MACROD2: variants seen among roughly 807,000 people sequenced by gnomAD.
MACROD2 encodes the protein ADP-ribose glycohydrolase MACROD2.
Under a neutral mutation model 70.4 loss-of-function variants are expected in MACROD2, and 36 were observed. The observed-to-expected ratio is 0.51, with a 90% confidence interval of 0.39 to 0.68. The LOEUF (loss-of-function observed/expected upper bound fraction) is 0.68. MACROD2 is among the 30% of genes least tolerant of loss of function. The pLI, the probability that MACROD2 is intolerant of heterozygous loss-of-function variation, is 0.00. For missense variants in MACROD2, 496 were observed against 538.4 expected, an observed-to-expected ratio of 0.92 and a Z score of 0.78; for synonymous variants, 172 against 178.8, an observed-to-expected ratio of 0.96 and a Z score of 0.30.
At chr20:14,669,714 G>C (rs2070774109) in intron 4 of MACROD2, among the ~76,000 whole-genome samples, 1 of 152,022 alleles carries the variant, frequency 6.6e-6, no homozygotes, top group East Asian at 1.9e-4. Context: ...GTTTTTGGTA[G>C]AAAAGGAACT....
chr20:14,517,174 A>C (rs986567527), intron 4 of MACROD2, among the ~76,000 whole-genome samples: 3 of 152,154 alleles, frequency 2.0e-5, no homozygotes, highest in African/African-American at 7.2e-5. Context: ...TTGACCCAGC[A>C]ATCCCATTAC....
intron 3 of MACROD2, among the ~76,000 whole-genome samples, chr20:14,341,500 G>A (rs746501750): frequency 4.6e-5 from 7 of 152,116 alleles, no homozygotes; most frequent in African/African-American, 1.2e-4. Context: ...TTAGCCGGGC[G>A]TGGTGGCACG....
intron 4 of MACROD2, among the ~76,000 whole-genome samples, chr20:14,644,625 C>T (rs371472575): frequency 1.3e-5 from 2 of 152,032 alleles, no homozygotes; most frequent in East Asian, 1.9e-4. Flanking sequence ...ACTTGTTTAT[C>T]GAATATGGAA....
chr20:14,153,725 ATTAAG>A (rs772674620), intron 3 of MACROD2, among the ~76,000 whole-genome samples: 8 of 152,226 alleles, frequency 5.3e-5, no homozygotes, highest in Non-Finnish European at 8.8e-5. Flanking sequence ...AAATAATCAT[ATTAAG>A]TTGAGAAAAA....
At chr20:15,112,215 A>T (rs559180532) in intron 5 of MACROD2, among the ~76,000 whole-genome samples, 42 of 152,250 alleles carry the variant, frequency 2.8e-4, no homozygotes, top group African/African-American at 9.9e-4. Flanking sequence ...CTTCTTAATC[A>T]TTGCACGGTT....
intron 5 of MACROD2, among the ~76,000 whole-genome samples, chr20:14,712,417 A>G (rs1185864608): frequency 6.6e-6 from 1 of 152,184 alleles, no homozygotes; most frequent in Non-Finnish European, 1.5e-5. Context: ...AGTGATTAAT[A>G]GATACCGCGG....
At chr20:14,688,322 GT>G (rs1412382373) in intron 5 of MACROD2, among the ~76,000 whole-genome samples, 1 of 152,132 alleles carries the variant, frequency 6.6e-6, no homozygotes, top group Non-Finnish European at 1.5e-5. Context: ...TTTTGAACTG[GT>G]TTTTGCCTCT....
rs368293450 is a variant in MACROD2, at chr20:14,159,541, A to G, written c.271+73813A>G. Among the ~76,000 whole-genome samples, 387 of 152,336 alleles carry G rather than the reference A, an allele frequency of 2.5e-3. 3 individuals carry two copies. The highest frequency in any genetic ancestry group is 8.9e-3 in the African/African-American group (368 of 41,576). ...TTCAGCTAGTTTGATATTTATGTAT[A>G]AAAATGCTACTGATTTTTGCATGTT... On this transcript the variant is annotated intron_variant, in intron 3 of 17. Coordinates refer to ENST00000684519, the MANE Select transcript of MACROD2 (RefSeq NM_001351661.2).
At chr20:15,632,337 A>C (rs757162262) in intron 8 of MACROD2, among the ~76,000 whole-genome samples, 7 of 152,218 alleles carry the variant, frequency 4.6e-5, no homozygotes, top group Non-Finnish European at 8.8e-5. Context: ...GTATAAAGCC[A>C]TATGCTATGC....
chr20:15,890,569 A>C (rs2064875506), intron 10 of MACROD2, among the ~76,000 whole-genome samples: 1 of 152,100 alleles, frequency 6.6e-6, no homozygotes, highest in Admixed American at 6.5e-5. Context: ...GCACCTGGTG[A>C]CAGAAGTTTG....
chr20:15,043,571 G>A (rs2123032978), intron 5 of MACROD2, among the ~76,000 whole-genome samples: 1 of 152,326 alleles, frequency 6.6e-6, no homozygotes, highest in Non-Finnish European at 1.5e-5. Context: ...TGGGCCTTCA[G>A]ATCTTCCTTT....
In MACROD2 at chr20:15,119,481, A is replaced by G. The variant is rs143447351; in HGVS notation, c.419-110459A>G. ...GTCAATAGACATAGTAGTGAGGATG[A>G]CACAGCATCCCACGGGACAAGATTG... On this transcript the variant is annotated intron_variant, in intron 5 of 17. Coordinates refer to ENST00000684519, the MANE Select transcript of MACROD2 (RefSeq NM_001351661.2). Among the ~76,000 whole-genome samples, 520 of 152,346 alleles carry G rather than the reference A, an allele frequency of 3.4e-3. 11 individuals are homozygous for G. The highest frequency in any genetic ancestry group is 0.012 in the African/African-American group (496 of 41,578).
Position 15,362,548 on chromosome 20 carries a change from A to AT in MACROD2, c.541-68848dup, listed in dbSNP as rs577585510. Among the ~76,000 whole-genome samples the AT allele has an allele frequency of 8.6e-4, 130 of 151,480 alleles. 2 individuals carry two copies. Among genetic ancestry groups the AT allele is most frequent in the East Asian group, 5.8e-4 (3 of 5,164 alleles). Reference sequence around the variant, plus strand: ...CAAATTCTTTTCCTGCATCGATACAATTTTTTTTTCTTTAGCCTATTAACA... The same window carrying AT: ...CAAATTCTTTTCCTGCATCGATACAATTTTTTTTTTCTTTAGCCTATTAACA... On this transcript the variant is annotated intron_variant, in intron 6 of 17. Coordinates refer to ENST00000684519, the MANE Select transcript of MACROD2 (RefSeq NM_001351661.2).
chr20:15,492,844 G>A (rs534276906), intron 7 of MACROD2, among the ~76,000 whole-genome samples: 5 of 152,322 alleles, frequency 3.3e-5, no homozygotes, highest in African/African-American at 1.2e-4. Context: ...GTTCAAGGGA[G>A]TTTGATTTTT....
intron 8 of MACROD2, among the ~76,000 whole-genome samples, chr20:15,579,845 T>C (rs2048499987): frequency 6.6e-6 from 1 of 152,234 alleles, no homozygotes; most frequent in Non-Finnish European, 1.5e-5. Flanking sequence ...TTAGACCCTC[T>C]CTTTTGCTGT....
At chr20:15,912,849 A>T in intron 10 of MACROD2, among the ~76,000 whole-genome samples, 1 of 152,348 alleles carries the variant, frequency 6.6e-6, no homozygotes, top group East Asian at 1.9e-4. Context: ...TCTGCATAAA[A>T]TTTAATTATA....
At chr20:15,261,250 G>T (rs186518559) in intron 6 of MACROD2, among the ~76,000 whole-genome samples, 1 of 151,954 alleles carries the variant, frequency 6.6e-6, no homozygotes, top group East Asian at 1.9e-4. Flanking sequence ...CCAGTTTGGT[G>T]CCCACGTCAA....
intron 8 of MACROD2, among the ~76,000 whole-genome samples, chr20:15,817,333 A>T (rs1179505507): frequency 6.6e-6 from 1 of 152,226 alleles, no homozygotes; most frequent in African/African-American, 2.4e-5. Context: ...TATTCCTCTG[A>T]TACAGCACTG....
chr20:14,705,966 T>G (rs1201215798), intron 5 of MACROD2, among the ~76,000 whole-genome samples: 1 of 152,136 alleles, frequency 6.6e-6, no homozygotes, highest in African/African-American at 2.4e-5. Flanking sequence ...TTTTTTTAAT[T>G]TTGTGATATT....
Sources: gnomAD v4.1 joint callset for allele counts (sites outside exome capture counted in the v4.1 genomes callset) on GRCh38, gnomAD v4.1.1 for gene constraint, MANE v1.5 for transcripts, NCBI Gene and HGNC (gene_info 2026-07-23, HGNC 2026-07-21) for gene names.